Variants in PHC3 observed in about 807,000 individuals in gnomAD.
PHC3 encodes polyhomeotic-like protein 3.
Under a neutral mutation model 107.4 loss-of-function variants are expected in PHC3, and 13 were observed. The observed-to-expected ratio is 0.12, with a 90% CI of 0.08 to 0.19. The LOEUF is 0.19. Among genes scored for constraint, PHC3 ranks in the 10% least tolerant of loss-of-function variants. The pLI, the probability that PHC3 is intolerant of heterozygous loss-of-function variation, is 1.00. For synonymous variants in PHC3, 456 were observed against 427.4 expected, an observed-to-expected ratio of 1.07 and a Z score of -0.83; for missense variants, 992 against 1,210.9, an observed-to-expected ratio of 0.82 and a Z score of 2.68.
chr3:170,152,895 C>T (rs1025630645), intron 4 of PHC3, among the ~76,000 whole-genome samples: 1 of 152,172 alleles, frequency 6.6e-6, no homozygotes, highest in Admixed American at 6.5e-5. Context: ...CTCCTGGGCT[C>T]AAGCGATACC....
chr3:170,130,703 T>C (rs921295622), intron 7 of PHC3, among the ~76,000 whole-genome samples: 7 of 152,188 alleles, frequency 4.6e-5, no homozygotes, highest in Non-Finnish European at 8.8e-5. Context: ...AATAAATATA[T>C]GTAAGAATTA....
intron 4 of PHC3, among the ~76,000 whole-genome samples, chr3:170,161,672 G>C (rs1257127894): frequency 6.6e-6 from 1 of 152,130 alleles, no homozygotes; most frequent in African/African-American, 2.4e-5. Flanking sequence ...CCTGACCCCT[G>C]ACTTAAACAA....
chr3:170,118,575 A>C (rs144859181), intron 9 of PHC3, among the ~76,000 whole-genome samples: 1,852 of 151,820 alleles, frequency 0.012, 39 homozygotes, highest in African/African-American at 0.042. Context: ...CCATGCCTGG[A>C]TAATTTTTTG....
chr3:170,152,275 A>T (rs1455515621), intron 4 of PHC3, among the ~76,000 whole-genome samples: 1 of 149,578 alleles, frequency 6.7e-6, no homozygotes, highest in Non-Finnish European at 1.5e-5. Context: ...GGTTCACATC[A>T]TTCTCCTGCC....
chr3:170,149,716 A>T (rs1468068507), intron 4 of PHC3: 1 of 152,654 alleles, frequency 6.6e-6, no homozygotes. Flanking sequence ...TCGGCCTCCC[A>T]AAGTGCTAGG....
At position 170,096,847 on chromosome 3, in the gene PHC3, T is replaced by C. The variant is rs756330031; in HGVS notation, c.*383A>G. 6.4e-6 allele frequency: 1 copy of C among 155,900 alleles called. No homozygotes were observed. The allele number at this position is 155,900 out of a possible 1,614,324, so 9.7% of individuals were successfully genotyped here. A position where few individuals can be genotyped will look rare whatever the true frequency, so the allele number is the denominator to read the frequency against. ...GAAAACTAATAGGGTAGAAAAAATG[T>C]ATAAGAAAATTGAATCAAAAGAGGA... On this transcript the variant is annotated 3_prime_UTR_variant, in exon 15 of 15. Coordinates refer to ENST00000495893, the MANE Select transcript of PHC3 (RefSeq NM_024947.4).
At chr3:170,155,337 A>ACCTTTTT (rs1726723263) in intron 4 of PHC3, among the ~76,000 whole-genome samples, 2 of 152,242 alleles carry the variant, frequency 1.3e-5, no homozygotes, top group African/African-American at 4.8e-5. Context: ...CTGCTGAGTA[A>ACCTTTTT]AAAGGCAGCA....
Position 170,150,531 on chromosome 3 carries a change from TAAAA to T in PHC3, c.415-1291_415-1288del, listed in dbSNP as rs1168514834. On this transcript the variant is annotated intron_variant, in intron 4 of 14. Transcript: ENST00000495893. ...TAACATGGTGAAACCCTGTCTCTAC[TAAAA>T]AAAAAAAAAAAAAAAAAAATTAAAA... The T allele has an allele frequency of 8.6e-4, 67 of 77,578 alleles. 1 individual carries two copies. The highest frequency in any genetic ancestry group is 1.1e-3 in the Admixed American group (6 of 5,574). The allele number at this position is 77,578 out of a possible 1,614,324, so 4.8% of individuals were successfully genotyped here. A position where few individuals can be genotyped will look rare whatever the true frequency, so the allele number is the denominator to read the frequency against.
chr3:170,178,139 A>G (rs1056783784), intron 2 of PHC3, among the ~76,000 whole-genome samples: 70 of 151,650 alleles, frequency 4.6e-4, no homozygotes, highest in African/African-American at 1.4e-3. Context: ...ACTAAAGGAA[A>G]ATTTTTTTTT....
At chr3:170,152,866 T>A (rs145524642) in intron 4 of PHC3, among the ~76,000 whole-genome samples, 2 of 149,486 alleles carry the variant, frequency 1.3e-5, no homozygotes, top group African/African-American at 5.1e-5. Context: ...TTCATCATGT[T>A]GCCCAAGCTT....
intron 14 of PHC3, chr3:170,102,058 A>G: frequency 1.2e-6 from 1 of 856,578 alleles, no homozygotes; most frequent in Non-Finnish European, 1.4e-6. Context: ...AATGTAAAAA[A>G]AAGAAAAAAG....
At position 170,165,667 on chromosome 3, in the gene PHC3, C is replaced by T. The variant is rs552265657; in HGVS notation, c.414+5706G>A. On this transcript the variant is annotated intron_variant, in intron 4 of 14. Transcript: ENST00000495893. ...TACTTGGGAGGGTGAGGCATGAGAA[C>T]TGCTTGAACCCAGGAGGTGGAAGTT... 9.7e-4 allele frequency among the ~76,000 whole-genome samples: 142 copies of T among 146,332 alleles called. 1 individual carries two copies. The highest frequency in any genetic ancestry group is 3.3e-3 in the African/African-American group (132 of 39,516).
chr3:170,127,880 T>G (rs1007612653), intron 8 of PHC3, among the ~76,000 whole-genome samples: 1 of 152,196 alleles, frequency 6.6e-6, no homozygotes, highest in Non-Finnish European at 1.5e-5. Context: ...ATAATTTTTC[T>G]TTCTAGGCAA....
chr3:170,162,146 C>T (rs1040534249), intron 4 of PHC3, among the ~76,000 whole-genome samples: 1 of 152,060 alleles, frequency 6.6e-6, no homozygotes, highest in African/African-American at 2.4e-5. Context: ...GATTAGAACC[C>T]CAGTCCCTCA....
chr3:170,169,035 T>C (rs1052277528), intron 4 of PHC3, among the ~76,000 whole-genome samples: 1 of 152,050 alleles, frequency 6.6e-6, no homozygotes, highest in African/African-American at 2.4e-5. Flanking sequence ...AATGTTCCAA[T>C]GAACACTCCT....
At chr3:170,166,387 TAAG>T (rs1728750924) in intron 4 of PHC3, among the ~76,000 whole-genome samples, 1 of 152,140 alleles carries the variant, frequency 6.6e-6, no homozygotes. Flanking sequence ...CCAAAATAAA[TAAG>T]TTAAACAAGC....
chr3:170,127,068 G>A (rs1336631192), intron 8 of PHC3, among the ~76,000 whole-genome samples: 2 of 151,832 alleles, frequency 1.3e-5, no homozygotes, highest in Non-Finnish European at 2.9e-5. Flanking sequence ...ATTTTTTGAA[G>A]GTGCTGTACG....
In PHC3 at chr3:170,131,145, TAAA is replaced by T. The variant is rs35021791; in HGVS notation, c.920-1596_920-1594del. Among the ~76,000 whole-genome samples the T allele has an allele frequency of 1.5e-3, 204 of 136,352 alleles. 1 individual carries two copies. The highest frequency in any genetic ancestry group is 8.2e-3 in the South Asian group (35 of 4,272). The allele number at this position is 136,352 out of a possible 152,430, so 89.5% of individuals were successfully genotyped here. ...AGTTCAATAAATATCCACTAATTGT[TAAA>T]AAAAAAAAAAAAAAAGGAAATCAAG... On this transcript the variant is annotated intron_variant, in intron 7 of 14. Transcript: ENST00000495893.
At chr3:170,134,473 A>C (rs886825680) in intron 7 of PHC3, among the ~76,000 whole-genome samples, 2 of 152,108 alleles carry the variant, frequency 1.3e-5, no homozygotes, top group African/African-American at 4.8e-5. Context: ...TATAGATGTG[A>C]GCTACCGCGC....
Sources: allele counts gnomAD v4.1 joint callset (sites outside exome capture counted in the v4.1 genomes callset), GRCh38; gene constraint gnomAD v4.1.1; transcripts MANE v1.5; gene names NCBI Gene and HGNC (gene_info 2026-07-23, HGNC 2026-07-21).